Variants in HDX observed in about 807,000 individuals in gnomAD.
HDX encodes the protein chromosome X open reading frame 43.
HDX carries 19 observed loss-of-function variants against 45.2 expected under a neutral mutation model. The ratio of observed to expected loss-of-function variants is 0.42; its 90% CI spans 0.29 to 0.62. The LOEUF (loss-of-function observed/expected upper bound fraction) is 0.62, where lower values mean the gene tolerates loss of function less well. HDX is among the 20% of genes least tolerant of loss of function. The pLI, the probability that HDX is intolerant of heterozygous loss-of-function variation, is 0.20. For missense variants in HDX, 532 were observed against 493.9 expected (o/e 1.08, Z -0.73); for synonymous variants, 188 against 172.8 (o/e 1.09, Z -0.69).
chrX:84,327,360 T>C (rs771952811), intron 9 of HDX, among the ~76,000 whole-genome samples: 3 of 111,437 alleles, frequency 2.7e-5, no homozygotes, highest in Non-Finnish European at 5.7e-5. Context: ...AATAAGATAA[T>C]GGCCATGAAA....
intron 10 of HDX, 112 bp downstream of exon 10, chrX:84,326,066 C>T: frequency 1.4e-6 from 1 of 712,010 alleles, no homozygotes; most frequent in Non-Finnish European, 2.2e-6. Context: ...AATATTTCCT[C>T]CATGCCAAGC....
intron 2 of HDX, among the ~76,000 whole-genome samples, chrX:84,483,753 T>C (rs1272808558): frequency 8.9e-6 from 1 of 112,588 alleles, no homozygotes; most frequent in Non-Finnish European, 1.9e-5. Flanking sequence ...TCTTTTTCAC[T>C]GCATCATCAG....
intron 6 of HDX, among the ~76,000 whole-genome samples, chrX:84,353,617 A>G (rs943243864): frequency 9.7e-6 from 1 of 103,203 alleles, no homozygotes; most frequent in African/African-American, 3.4e-5. Flanking sequence ...AGTTAATTTT[A>G]TGTGTCAATA....
intron 6 of HDX, among the ~76,000 whole-genome samples, chrX:84,352,643 C>T (rs1170000528): frequency 2.7e-5 from 3 of 111,549 alleles, no homozygotes; most frequent in Non-Finnish European, 3.8e-5. Flanking sequence ...TCCAATTATA[C>T]TTTTAGTGAT....
At chrX:84,498,821 GCACA>G (rs202067754) in intron 1 of HDX, among the ~76,000 whole-genome samples, 4,186 of 94,615 alleles carry the variant, frequency 0.044, 101 homozygotes, top group Non-Finnish European at 0.061. Flanking sequence ...TGGAATGTAT[GCACA>G]CACACACACA....
chrX:84,491,965 T>C (rs1441223963), intron 1 of HDX, among the ~76,000 whole-genome samples: 3 of 111,518 alleles, frequency 2.7e-5, no homozygotes, highest in African/African-American at 9.8e-5. Context: ...TTCAGAAACT[T>C]GAAGGGTCCC....
At chrX:84,500,463 CACACACACA>C (rs2041096879) in intron 1 of HDX, among the ~76,000 whole-genome samples, 1 of 97,288 alleles carries the variant, frequency 1.0e-5, no homozygotes, top group African/African-American at 3.9e-5. Flanking sequence ...CACACACACA[CACACACACA>C]ACAACAACAA....
chrX:84,348,303 G>A lies in HDX; in HGVS notation c.1453-3846C>T, dbSNP rs770241012. Among the ~76,000 whole-genome samples the A allele has an allele frequency of 2.7e-3, 296 of 111,387 alleles. 2 individuals are homozygous for A. The highest frequency in any genetic ancestry group is 9.3e-3 in the African/African-American group (286 of 30,695). On this transcript the variant is annotated intron_variant, in intron 6 of 10. Transcript: ENST00000373177. ...TTTCAGTTACTGTTTTTGGTCTCTA[G>A]CATTTGTTTTTTATCCTTTCTTAGA...
At chrX:84,480,763 T>A (rs1299502418) in intron 2 of HDX, among the ~76,000 whole-genome samples, 3 of 111,105 alleles carry the variant, frequency 2.7e-5, no homozygotes, top group Non-Finnish European at 5.7e-5. Context: ...ATTAAATTTT[T>A]AAATATTTGG....
chrX:84,358,768 T>C (rs1226909152), intron 6 of HDX, among the ~76,000 whole-genome samples: 1 of 112,090 alleles, frequency 8.9e-6, no homozygotes, highest in Non-Finnish European at 1.9e-5. Flanking sequence ...CATTAGGTTG[T>C]CCTGGCTGCA....
chrX:84,371,791 A>G (rs1347950847), intron 5 of HDX, among the ~76,000 whole-genome samples: 2 of 111,029 alleles, frequency 1.8e-5, no homozygotes, highest in Admixed American at 1.9e-4. Flanking sequence ...ATTATTCGTT[A>G]ATGAAATTAA....
chrX:84,408,909 A>G (rs1266017536), intron 5 of HDX, among the ~76,000 whole-genome samples: 1 of 110,603 alleles, frequency 9.0e-6, no homozygotes. Context: ...TTGTACATCA[A>G]TTTTGTATCC....
intron 7 of HDX, among the ~76,000 whole-genome samples, chrX:84,341,250 G>A (rs2037078609): frequency 9.0e-6 from 1 of 110,987 alleles, no homozygotes; most frequent in South Asian, 3.8e-4. Context: ...CCAGGCATAT[G>A]CAATTTAGTA....
intron 5 of HDX, among the ~76,000 whole-genome samples, chrX:84,429,917 C>A (rs1217053718): frequency 2.8e-4 from 31 of 110,501 alleles, no homozygotes; most frequent in African/African-American, 1.0e-3. Context: ...AATAATTGCA[C>A]ATATTTGTGG....
rs2036601682 is a variant in HDX, at chrX:84,321,783, G to A, written c.*106C>T. On this transcript the variant is annotated 3_prime_UTR_variant, in exon 11 of 11. Coordinates refer to ENST00000373177, the MANE Select transcript of HDX (RefSeq NM_001177479.2). The stretch of plus-strand genomic sequence containing the variant: ...CACAGAATACGTCCGTTTCAACAAT[G>A]TGTTTTCCCAACTAAAGAATACCAG... 1.7e-6 allele frequency: 1 copy of A among 604,110 alleles called. No individual in the cohort carries two copies. Among genetic ancestry groups the A allele is most frequent in the African/African-American group, 2.3e-5 (1 of 43,505 alleles). 49.8% of individuals were successfully genotyped at this position (604,110 alleles called of 1,213,427 possible). A position where few individuals can be genotyped will look rare whatever the true frequency, so the allele number is the denominator to read the frequency against.
chrX:84,367,669 C>A (rs1166730317), intron 5 of HDX, among the ~76,000 whole-genome samples: 1 of 111,850 alleles, frequency 8.9e-6, no homozygotes, highest in African/African-American at 3.3e-5. Context: ...TACAAGGCAG[C>A]CATAAAAAAG....
At chrX:84,340,224 CT>C (rs1410313654) in intron 7 of HDX, among the ~76,000 whole-genome samples, 1 of 110,739 alleles carries the variant, frequency 9.0e-6, no homozygotes, top group Admixed American at 9.6e-5. Context: ...ACCAGCAGCA[CT>C]TTTTTTGACT....
At chrX:84,354,888 A>G (rs1245189039) in intron 6 of HDX, among the ~76,000 whole-genome samples, 1 of 98,675 alleles carries the variant, frequency 1.0e-5, no homozygotes, top group Non-Finnish European at 2.0e-5. Flanking sequence ...GAATAATGTT[A>G]GATTGGGAAT....
chrX:84,491,419 C>T (rs150942578), intron 1 of HDX, among the ~76,000 whole-genome samples: 1,374 of 111,677 alleles, frequency 0.012, 15 homozygotes, highest in Non-Finnish European at 0.021. Context: ...TCTAATCTTG[C>T]TTGTGCTTTC....
Sources: allele counts gnomAD v4.1 joint callset (sites outside exome capture counted in the v4.1 genomes callset), GRCh38; gene constraint gnomAD v4.1.1; transcripts MANE v1.5; gene names NCBI Gene and HGNC (gene_info 2026-07-23, HGNC 2026-07-21).